The following EMILIN3 variants were observed in gnomAD, a reference collection of about 807,000 sequenced individuals.
The protein encoded by EMILIN3 is EMILIN-3.
Under a neutral mutation model 42.8 loss-of-function variants are expected in EMILIN3, and 38 were observed. The observed-to-expected ratio is 0.89, with a 90% CI of 0.69 to 1.16. The LOEUF (loss-of-function observed/expected upper bound fraction) is 1.16. Ranked by LOEUF, EMILIN3 falls within the 50% of genes most tolerant of loss-of-function variation. The pLI, the probability that EMILIN3 is intolerant of heterozygous loss-of-function variation, is 0.00. For missense variants in EMILIN3, 924 were observed against 999.5 expected, an observed-to-expected ratio of 0.92 and a Z score of 1.02; for synonymous variants, 430 against 440.5, an observed-to-expected ratio of 0.98 and a Z score of 0.30.
Position 41,362,333 on chromosome 20 carries a change from G to T in EMILIN3, c.1236C>A (p.Pro412=). 6.2e-7 allele frequency: 1 copy of T among 1,611,070 alleles called. No individual in the cohort carries two copies. Among genetic ancestry groups the T allele is most frequent in the Non-Finnish European group, 8.5e-7 (1 of 1,179,868 alleles). Residue 412 remains proline, a synonymous_variant, in exon 4 of 4, where the codon CCC becomes CCA. Transcript: ENST00000332312. ...TAAGCTCATCCCCGGCCGGGGCACC[G>T]GGGCCCCTTTGGGTCTCGGTGACTG... ...LQAVTETQRG[P]GAPAGDELTR...
Position 41,361,011 on chromosome 20 carries a change from T to C in EMILIN3, c.*257A>G. On this transcript the variant is annotated 3_prime_UTR_variant, in exon 4 of 4. Transcript: ENST00000332312. ...ACACTGATTTGCTGACAGTGGAATG[T>C]GAACTCTCTCAAGTCTACCCTGGCC... The C allele has an allele frequency of 2.1e-6, 1 of 465,646 alleles. No homozygotes were observed. Among genetic ancestry groups the C allele is most frequent in the Non-Finnish European group, 3.8e-6 (1 of 263,788 alleles). 28.8% of individuals were successfully genotyped at this position (465,646 alleles called of 1,614,324 possible).
intron 2 of EMILIN3, among the ~76,000 whole-genome samples, 178 bp downstream of exon 2, chr20:41,364,857 G>T (rs764510144): frequency 1.3e-5 from 2 of 152,180 alleles, no homozygotes; most frequent in East Asian, 1.9e-4. Context: ...AAATCCCTGG[G>T]GTCCTCCTTG....
In EMILIN3 at chr20:41,362,345, G is replaced by A. The variant is rs753429747; in HGVS notation, c.1224C>T (p.Thr408=). 3 of 1,609,612 alleles carry A rather than the reference G, an allele frequency of 1.9e-6. No individual in the cohort carries two copies. The highest frequency in any genetic ancestry group is 3.3e-5 in the Admixed American group (2 of 60,012). Residue 408 remains threonine, a synonymous_variant, in exon 4 of 4, where the codon ACC becomes ACT. Transcript: ENST00000332312. The part of the protein sequence containing the change: ...LERALQAVTE[T]QRGPGAPAGD... ...CGGCCGGGGCACCGGGGCCCCTTTG[G>A]GTCTCGGTGACTGCCTGCAGGGCCC...
At position 41,366,713 on chromosome 20, in the gene EMILIN3, C is replaced by T. The variant is rs1432650883; in HGVS notation, c.-79G>A. Reference sequence around the variant, plus strand: ...GCCTGCAGCGCCGCGCCGCCCCCGCCGCTGGTCGGCCCGGGTCCCGCCCCG... The same window carrying T: ...GCCTGCAGCGCCGCGCCGCCCCCGCTGCTGGTCGGCCCGGGTCCCGCCCCG... On this transcript the variant is annotated 5_prime_UTR_variant, in exon 1 of 4. Coordinates refer to ENST00000332312, the MANE Select transcript of EMILIN3 (RefSeq NM_052846.2). This position sits in a 1 kb window ranked among gnomAD's most constrained non-coding sequence, Gnocchi z 4.2. The T allele has an allele frequency of 2.2e-6, 2 of 928,578 alleles. No homozygotes were observed. Among genetic ancestry groups the T allele is most frequent in the South Asian group, 4.9e-5 (1 of 20,482 alleles). 57.5% of individuals were successfully genotyped at this position (928,578 alleles called of 1,614,324 possible).
chr20:41,361,551 C>G lies in EMILIN3; in HGVS notation c.2018G>C (p.Ser673Thr), dbSNP rs973398278. ...TTTCTGGGCTGTGTCCTGGCAGCGGCTCAGCCCACTGGCCACCTTGGCCAC... is the reference window on the plus strand; with the variant it reads ...TTTCTGGGCTGTGTCCTGGCAGCGGGTCAGCCCACTGGCCACCTTGGCCAC... ...AGVAKVASGL[S>T]RCQDTAQKLQ... The change falls in exon 4 of 4, where the codon AGC (serine) becomes ACC (threonine). Residue 673 changes from serine (S) to threonine (T), a missense_variant. Transcript: ENST00000332312. 1.2e-6 allele frequency: 2 copies of G among 1,611,282 alleles called. No homozygotes were observed. Among genetic ancestry groups the G allele is most frequent in the African/African-American group, 2.7e-5 (2 of 74,068 alleles).
At position 41,361,403 on chromosome 20, in the gene EMILIN3, C is replaced by G; in HGVS notation, c.2166G>C (p.Glu722Asp). 4 of 1,612,288 alleles carry G rather than the reference C, an allele frequency of 2.5e-6. No individual in the cohort carries two copies. The highest frequency in any genetic ancestry group is 3.4e-6 in the Non-Finnish European group (4 of 1,179,262). Reference protein sequence around the residue: ...SLPTEPLRPREGLWSHVDQLN... With the variant: ...SLPTEPLRPRDGLWSHVDQLN... ...GCTGGTCCACATGGCTCCACAGGCC[C>G]TCTCTGGGCCTCAGTGGCTCAGTGG... The change falls in exon 4 of 4, where the codon GAG becomes GAC. Residue 722 changes from glutamate to aspartate, a missense_variant. Physicochemically the swap from Glu to Asp is conservative, Grantham distance 45 (BLOSUM62 2). Transcript: ENST00000332312.
intron 2 of EMILIN3, among the ~76,000 whole-genome samples, chr20:41,364,330 TTC>T (rs148560326): frequency 0.039 from 5,864 of 152,220 alleles, 153 homozygotes; most frequent in African/African-American, 0.065. Flanking sequence ...CTCCCCTTAG[TTC>T]TTTCCACTCC....
In EMILIN3 at chr20:41,363,140, GTTCT is replaced by G; in HGVS notation, c.515-90_515-87del. On this transcript the variant is annotated intron_variant, in intron 3 of 3. Coordinates refer to ENST00000332312, the MANE Select transcript of EMILIN3 (RefSeq NM_052846.2). ...TGCCAGGCCACCCAAGAGACTTTCTGTTCTTTTTTTTTTTTTTTGAGACAGAGTC... is the reference window on the plus strand; with the variant it reads ...TGCCAGGCCACCCAAGAGACTTTCTGTTTTTTTTTTTTTTGAGACAGAGTC... The G allele has an allele frequency of 2.6e-6, 3 of 1,162,360 alleles. No homozygotes were observed. In the South Asian group the frequency reaches 5.2e-5, roughly 20 times the overall value. The allele number at this position is 1,162,360 out of a possible 1,614,324, so 72.0% of individuals were successfully genotyped here.
Position 41,363,828 on chromosome 20 carries a change from A to G in EMILIN3, c.324T>C (p.Val108=), listed in dbSNP as rs762840297. 8 of 1,613,988 alleles carry G rather than the reference A, an allele frequency of 5.0e-6. No individual in the cohort carries two copies. The East Asian group carries it at 1.8e-4, about 36-fold the overall frequency. The part of the protein sequence containing the change: ...YRTVLRPKYK[V]GYKTVTDLAW... ...CGAGGTCTGTCACTGTCTTGTAGCC[A>G]ACCTTGTATTTGGGTCTGAGTACTG... is the stretch of plus-strand genomic sequence containing the variant. The change falls in exon 3 of 4, where the codon GTT becomes GTC. Residue 108 remains valine (V), a synonymous_variant. Coordinates refer to ENST00000332312, the MANE Select transcript of EMILIN3 (RefSeq NM_052846.2).
In EMILIN3 at chr20:41,361,218, G is replaced by A. The variant is rs1345995596; in HGVS notation, c.*50C>T. ...GCTGGATAAGGCTGGGCTCTGGGGT[G>A]ATGTTCCCCGAGTTGGTGGGATCTA... is the stretch of plus-strand genomic sequence containing the variant. On this transcript the variant is annotated 3_prime_UTR_variant, in exon 4 of 4. Transcript: ENST00000332312. The A allele has an allele frequency of 2.0e-6, 3 of 1,502,614 alleles. No homozygotes were observed. The highest frequency in any genetic ancestry group is 2.8e-5 in the African/African-American group (2 of 72,412). The allele number at this position is 1,502,614 out of a possible 1,614,324, so 93.1% of individuals were successfully genotyped here.
rs772989664 is a variant in EMILIN3 at position 41,362,932 on chromosome 20, T to A, written c.637A>T (p.Met213Leu). The change falls in exon 4 of 4, where the codon ATG becomes TTG. Residue 213 changes from methionine (M) to leucine (L), a missense_variant. Met to Leu is a conservative substitution (Grantham distance 15, BLOSUM62 2). Coordinates refer to ENST00000332312, the MANE Select transcript of EMILIN3 (RefSeq NM_052846.2). ...LVASHEDPNRMTGGPRAPAVP... is the reference protein window; with the variant it reads ...LVASHEDPNRLTGGPRAPAVP... ...GCAGGAGCCCTGGGGCCACCAGTCA[T>A]CCTGTTGGGATCCTCGTGGCTAGCC... The A allele has an allele frequency of 1.2e-6, 2 of 1,613,622 alleles. No individual in the cohort carries two copies. The highest frequency in any genetic ancestry group is 1.7e-6 in the Non-Finnish European group (2 of 1,179,846).
intron 3 of EMILIN3, 89 bp from the exon 4 acceptor site, chr20:41,363,143 C>CTT (rs796911772): frequency 2.1e-3 from 2,015 of 969,694 alleles, no homozygotes; most frequent in African/African-American, 3.4e-3. Flanking sequence ...ACTTTCTGTT[C>CTT]TTTTTTTTTT....
chr20:41,361,297 C>T lies in EMILIN3; in HGVS notation c.2272G>A (p.Glu758Lys), dbSNP rs756398887. 1.5e-5 allele frequency: 24 copies of T among 1,598,822 alleles called. No homozygotes were observed. Among genetic ancestry groups the T allele is most frequent in the Non-Finnish European group, 1.8e-5 (21 of 1,168,834 alleles). Residue 758 changes from glutamate to lysine, a missense_variant, in exon 4 of 4, where the codon GAG becomes AAG. Coordinates refer to ENST00000332312, the MANE Select transcript of EMILIN3 (RefSeq NM_052846.2). ...DLLDCQAQLA[E>K]QVRPGQAN ...TTGGCTTGCCCTGGCCGCACCTGCT[C>T]AGCCAGCTGGGCCTGGCAGTCCAGT...
At chr20:41,364,194 C>T (rs2046382557) in intron 2 of EMILIN3, among the ~76,000 whole-genome samples, 1 of 152,152 alleles carries the variant, frequency 6.6e-6, no homozygotes, top group Non-Finnish European at 1.5e-5. Context: ...TCCACTCAGG[C>T]TGCAGTAGCA....
At position 41,363,115 on chromosome 20, in the gene EMILIN3, T is replaced by A. The variant is rs554733215; in HGVS notation, c.515-61A>T. The A allele has an allele frequency of 1.7e-3, 2,250 of 1,361,198 alleles. 24 individuals carry two copies. Among genetic ancestry groups the A allele is most frequent in the South Asian group, 0.016 (1,044 of 66,144 alleles). 84.3% of individuals were successfully genotyped at this position (1,361,198 alleles called of 1,614,324 possible). A position where few individuals can be genotyped will look rare whatever the true frequency, so the allele number is the denominator to read the frequency against. ...GCCTCACCCTCTCAGCTTGTCACAA[T>A]GCCAGGCCACCCAAGAGACTTTCTG... On this transcript the variant is annotated intron_variant, in intron 3 of 3. Coordinates refer to ENST00000332312, the MANE Select transcript of EMILIN3 (RefSeq NM_052846.2).
intron 3 of EMILIN3, among the ~76,000 whole-genome samples, 199 bp downstream of exon 3, chr20:41,363,439 C>T (rs569095948): frequency 3.3e-5 from 5 of 152,244 alleles, no homozygotes; most frequent in Non-Finnish European, 7.3e-5. Flanking sequence ...CCGCGCCCAG[C>T]CCAGACTTTC....
In EMILIN3 at chr20:41,362,721, A is replaced by T; in HGVS notation, c.848T>A (p.Leu283Gln). Residue 283 changes from leucine to glutamine, a missense_variant, in exon 4 of 4, where the codon CTG becomes CAG. Transcript: ENST00000332312. ...TGGTGGGGCTTCCCGCAGCCGCTGC[A>T]GGTGGGCCTCATGGCCAAGTGCCAG... ...HGLALGHEAH[L>Q]QRLREAPPSP... The T allele has an allele frequency of 1.2e-6, 2 of 1,614,078 alleles. No individual in the cohort carries two copies. Among genetic ancestry groups the T allele is most frequent in the Non-Finnish European group, 1.7e-6 (2 of 1,180,024 alleles).
At position 41,362,771 on chromosome 20, in the gene EMILIN3, C is replaced by T. The variant is rs922442593; in HGVS notation, c.798G>A (p.Val266=). The T allele has an allele frequency of 1.9e-6, 3 of 1,614,220 alleles. No individual in the cohort carries two copies. The highest frequency in any genetic ancestry group is 1.3e-5 in the African/African-American group (1 of 75,074). The change falls in exon 4 of 4, where the codon GTG becomes GTA. Residue 266 remains valine, a synonymous_variant. Transcript: ENST00000332312. ...GCCCATGCACCTTGTCTAGAAGCTG[C>T]ACCTTGGTCTGAAGAGTGTTGCTCA... ...TEVSNTLQTK[V]QLLDKVHGLA... is the part of the protein sequence containing the mutation.
In EMILIN3 at chr20:41,363,783, G is replaced by C. The variant is rs781459027; in HGVS notation, c.369C>G (p.Gly123=). Residue 123 remains glycine, a synonymous_variant, in exon 3 of 4, where the codon GGC becomes GGG. Transcript: ENST00000332312. ...VTDLAWRCCP[G]FTGKRCPEHL... ...GCTCAGGGCAGCGTTTCCCAGTGAA[G>C]CCGGGACAGCAACGCCAGGCGAGGT... The C allele has an allele frequency of 6.2e-7, 1 of 1,614,188 alleles. No individual in the cohort carries two copies. The highest frequency in any genetic ancestry group is 8.5e-7 in the Non-Finnish European group (1 of 1,180,030).
Sources: gnomAD v4.1 joint callset for allele counts (sites outside exome capture counted in the v4.1 genomes callset) on GRCh38, gnomAD v4.1.1 for gene constraint, Gnocchi (gnomAD v3.1) non-coding constraint, MANE v1.5 for transcripts, NCBI Gene and HGNC (gene_info 2026-07-23, HGNC 2026-07-21) for gene names.